The following HPSE2 variants were observed in gnomAD, a reference collection of about 807,000 sequenced individuals.
The protein encoded by HPSE2 is inactive heparanase-2.
HPSE2 carries 38 observed loss-of-function variants against 60.5 expected under a neutral mutation model. The observed-to-expected ratio is 0.63, with a 90% CI of 0.48 to 0.82. The LOEUF (loss-of-function observed/expected upper bound fraction) is 0.82. HPSE2 is among the 40% of genes least tolerant of loss of function. HPSE2 has a pLI of 0.00. For synonymous variants in HPSE2, 295 were observed against 293.2 expected (o/e 1.01, Z -0.06); for missense variants, 713 against 740.4 (o/e 0.96, Z 0.43).
intron 3 of HPSE2, among the ~76,000 whole-genome samples, chr10:98,930,044 A>G (rs1360964317): frequency 7.0e-6 from 1 of 143,714 alleles, no homozygotes; most frequent in African/African-American, 2.8e-5. Context: ...TTACATAGGT[A>G]AACGTGTGTC....
intron 3 of HPSE2, among the ~76,000 whole-genome samples, chr10:99,061,776 T>C (rs1343900084): frequency 6.6e-6 from 1 of 152,242 alleles, no homozygotes; most frequent in Non-Finnish European, 1.5e-5. Flanking sequence ...TGTCTCATGT[T>C]CCCTATCTGC....
chr10:98,658,912 G>GTTTTTT (rs11358600), intron 6 of HPSE2, among the ~76,000 whole-genome samples: 1 of 140,194 alleles, frequency 7.1e-6, no homozygotes. Flanking sequence ...TACTGGCAGA[G>GTTTTTT]TTTTTTTTTT....
intron 9 of HPSE2, among the ~76,000 whole-genome samples, chr10:98,531,902 A>T (rs1943142752): frequency 1.3e-5 from 2 of 152,126 alleles, no homozygotes; most frequent in African/African-American, 4.8e-5. Context: ...ATAATACCTA[A>T]ACTCATAGGG....
chr10:98,487,951 T>G (rs748665921), intron 10 of HPSE2, among the ~76,000 whole-genome samples: 1 of 152,248 alleles, frequency 6.6e-6, no homozygotes, highest in African/African-American at 2.4e-5. Flanking sequence ...GCATTCACTG[T>G]GGGTTTTCTT....
At chr10:98,875,254 G>T (rs1952843534) in intron 3 of HPSE2, among the ~76,000 whole-genome samples, 1 of 151,870 alleles carries the variant, frequency 6.6e-6, no homozygotes, top group Admixed American at 6.6e-5. Flanking sequence ...TTTTTGAAAA[G>T]ATTAACAAAA....
rs942587734 is a variant in HPSE2 at position 98,459,596 on chromosome 10, G to T, written c.1757C>A (p.Ala586Asp). ...MGFYVVKNVN[A>D]LACRYR ...AGCTTATCGGTAGCGGCAGGCCAAA[G>T]CATTGACATTCTTGACCACATAAAA... The change falls in exon 12 of 12, where the codon GCT becomes GAT. Residue 586 changes from alanine (A) to aspartate (D), a missense_variant. Physicochemically the swap from Ala to Asp is moderately radical, Grantham distance 126. Coordinates refer to ENST00000370552, the MANE Select transcript of HPSE2 (RefSeq NM_021828.5). 1.2e-6 allele frequency: 2 copies of T among 1,614,046 alleles called. No individual in the cohort carries two copies.
At chr10:98,921,125 A>G (rs1405999207) in intron 3 of HPSE2, among the ~76,000 whole-genome samples, 2 of 152,078 alleles carry the variant, frequency 1.3e-5, no homozygotes, top group African/African-American at 2.4e-5. Context: ...CTGATCCTCC[A>G]TTCTCTCATA....
chr10:99,030,892 A>G (rs1232057074), intron 3 of HPSE2, among the ~76,000 whole-genome samples: 2 of 152,338 alleles, frequency 1.3e-5, no homozygotes, highest in East Asian at 1.9e-4. Context: ...GAAGACAAAC[A>G]TCGCATGTTC....
At chr10:99,166,467 T>G (rs894061541) in intron 2 of HPSE2, among the ~76,000 whole-genome samples, 3 of 152,218 alleles carry the variant, frequency 2.0e-5, no homozygotes, top group Non-Finnish European at 4.4e-5. Flanking sequence ...TCAACAATAA[T>G]TGGTATTTTC....
intron 3 of HPSE2, among the ~76,000 whole-genome samples, chr10:99,055,466 A>G (rs963350164): frequency 2.6e-5 from 4 of 152,192 alleles, no homozygotes; most frequent in African/African-American, 7.2e-5. Context: ...TAAAAGCCTC[A>G]CGGATATTTG....
intron 2 of HPSE2, among the ~76,000 whole-genome samples, chr10:99,179,216 A>T (rs897308870): frequency 3.9e-5 from 6 of 152,192 alleles, no homozygotes; most frequent in African/African-American, 1.4e-4. Flanking sequence ...GCAAAAGACA[A>T]GGATGCCCTC....
intron 3 of HPSE2, among the ~76,000 whole-genome samples, chr10:99,092,603 G>A (rs1316368433): frequency 6.6e-6 from 1 of 152,128 alleles, no homozygotes; most frequent in Non-Finnish European, 1.5e-5. Flanking sequence ...CTGAAGTTTG[G>A]ATACAGCATG....
At chr10:98,571,382 G>A (rs1323949599) in intron 9 of HPSE2, among the ~76,000 whole-genome samples, 1 of 151,882 alleles carries the variant, frequency 6.6e-6, no homozygotes, top group Non-Finnish European at 1.5e-5. Flanking sequence ...AAATCATGGG[G>A]GATCATACTG....
intron 6 of HPSE2, among the ~76,000 whole-genome samples, chr10:98,676,630 T>G (rs1041259185): frequency 2.0e-5 from 3 of 152,082 alleles, no homozygotes; most frequent in Admixed American, 2.0e-4. Flanking sequence ...ACTGAGATAT[T>G]TGGCAGGGAG....
At chr10:99,153,767 G>T (rs1408590163) in intron 2 of HPSE2, among the ~76,000 whole-genome samples, 5 of 152,238 alleles carry the variant, frequency 3.3e-5, no homozygotes, top group Non-Finnish European at 5.9e-5. Context: ...ACTTTGACGA[G>T]CTGAGAGAAG....
At chr10:98,646,322 CTTTTTT>C (rs5787294) in intron 6 of HPSE2, among the ~76,000 whole-genome samples, 1 of 144,950 alleles carries the variant, frequency 6.9e-6, no homozygotes, top group South Asian at 2.2e-4. Flanking sequence ...TTTCTTTTTT[CTTTTTT>C]TTTTTTTAAA....
rs1472977320 is a variant in HPSE2, at chr10:98,843,510, GT to G, written c.611-99455del. ...TTGGCTTTAGAATTTGGGCACTTATGTTTGAAAACAGAGATGTTTGGAAACT... is the reference window on the plus strand; with the variant it reads ...TTGGCTTTAGAATTTGGGCACTTATGTTGAAAACAGAGATGTTTGGAAACT... On this transcript the variant is annotated intron_variant, in intron 3 of 11. Coordinates refer to ENST00000370552, the MANE Select transcript of HPSE2 (RefSeq NM_021828.5). 7.9e-5 allele frequency among the ~76,000 whole-genome samples: 12 copies of G among 152,266 alleles called. No homozygotes were observed. The East Asian group carries it at 1.9e-3, about 24-fold the overall frequency.
At chr10:99,076,040 G>C (rs1010054320) in intron 3 of HPSE2, among the ~76,000 whole-genome samples, 3 of 151,984 alleles carry the variant, frequency 2.0e-5, no homozygotes, top group Non-Finnish European at 4.4e-5. Context: ...GATAGGAAAG[G>C]ACCATTTTTT....
rs555737935 is a variant in HPSE2, at chr10:98,543,497, A to G, written c.1321-53301T>C. On this transcript the variant is annotated intron_variant, in intron 9 of 11. Coordinates refer to ENST00000370552, the MANE Select transcript of HPSE2 (RefSeq NM_021828.5). ...ATAACAATATTAACTTTAAATGTAA[A>G]TGGATTAAATGCTCCAATTAAAAGA... Among the ~76,000 whole-genome samples, 3 of 152,342 alleles carry G rather than the reference A, an allele frequency of 2.0e-5. No homozygotes were observed. In the South Asian group the frequency reaches 6.2e-4, roughly 32 times the overall value.
Sources: gnomAD v4.1 joint callset for allele counts (sites outside exome capture counted in the v4.1 genomes callset) on GRCh38, gnomAD v4.1.1 for gene constraint, MANE v1.5 for transcripts, NCBI Gene and HGNC (gene_info 2026-07-23, HGNC 2026-07-21) for gene names.